The following CDYL variants were observed in gnomAD, a reference collection of about 807,000 sequenced individuals.
CDYL encodes chromodomain Y like.
In CDYL, 8 loss-of-function variants were observed where a neutral mutation model predicts 47.3. That is an observed-to-expected ratio of 0.17 (90% confidence interval 0.10 to 0.31). The LOEUF (loss-of-function observed/expected upper bound fraction) is 0.31, where lower values mean the gene tolerates loss of function less well. Among genes scored for constraint, CDYL ranks in the 10% least tolerant of loss-of-function variants. The probability of loss-of-function intolerance (pLI) is 1.00; values close to 1 mark genes in which losing one functional copy is unlikely to be tolerated. For missense variants in CDYL, 471 were observed against 701.4 expected (o/e 0.67, Z 3.71); for synonymous variants, 266 against 265.0 (o/e 1.00, Z -0.04).
intron 2 of CDYL, among the ~76,000 whole-genome samples, chr6:4,930,727 G>C (rs145283666): frequency 6.6e-6 from 1 of 152,172 alleles, no homozygotes; most frequent in Non-Finnish European, 1.5e-5. Context: ...ATGTATTTGA[G>C]GATATCCTTT....
intron 2 of CDYL, among the ~76,000 whole-genome samples, chr6:4,896,977 A>G (rs1261867679): frequency 6.6e-6 from 1 of 152,180 alleles, no homozygotes; most frequent in Non-Finnish European, 1.5e-5. Flanking sequence ...TATTTTAAGT[A>G]TGACGCAAAG....
At chr6:4,709,178 T>G (rs539335499) in intron 1 of CDYL, among the ~76,000 whole-genome samples, 2 of 152,080 alleles carry the variant, frequency 1.3e-5, no homozygotes, top group Admixed American at 1.3e-4. Flanking sequence ...ATGCACTAAT[T>G]CTGCTATTCA....
At chr6:4,874,249 C>A (rs1761555963) in intron 1 of CDYL, among the ~76,000 whole-genome samples, 1 of 152,082 alleles carries the variant, frequency 6.6e-6, no homozygotes, top group Non-Finnish European at 1.5e-5. Context: ...GTTGGCCTTA[C>A]TGATTTGAAA....
At chr6:4,902,857 T>C (rs1286860490) in intron 2 of CDYL, among the ~76,000 whole-genome samples, 1 of 152,082 alleles carries the variant, frequency 6.6e-6, no homozygotes, top group East Asian at 1.9e-4. Flanking sequence ...TCTGAAAAAA[T>C]AAAATCGGAT....
intron 1 of CDYL, among the ~76,000 whole-genome samples, chr6:4,838,542 A>G (rs574759095): frequency 2.5e-4 from 38 of 152,170 alleles, no homozygotes; most frequent in Non-Finnish European, 5.3e-4. Context: ...TTCTTTATAT[A>G]CTTGTTGACT....
At chr6:4,801,203 T>C (rs1295557051) in intron 1 of CDYL, among the ~76,000 whole-genome samples, 2 of 152,238 alleles carry the variant, frequency 1.3e-5, no homozygotes, top group African/African-American at 4.8e-5. Context: ...AGATCTAGGC[T>C]TTTAGTTTTT....
intron 2 of CDYL, among the ~76,000 whole-genome samples, chr6:4,925,213 G>A (rs939739284): frequency 6.6e-6 from 1 of 152,058 alleles, no homozygotes; most frequent in African/African-American, 2.4e-5. Context: ...TGTGACATTC[G>A]CAGTATACTC....
chr6:4,868,140 T>C (rs541807012), intron 1 of CDYL, among the ~76,000 whole-genome samples: 5 of 151,732 alleles, frequency 3.3e-5, no homozygotes, highest in Non-Finnish European at 7.4e-5. Flanking sequence ...TTTCCTCTCT[T>C]CTGCTTGCTT....
intron 1 of CDYL, among the ~76,000 whole-genome samples, chr6:4,879,804 C>T (rs1761715604): frequency 6.6e-6 from 1 of 152,140 alleles, no homozygotes. Flanking sequence ...AGATGATCTG[C>T]CCGCCTCGGC....
chr6:4,843,478 A>G (rs996293026), intron 1 of CDYL, among the ~76,000 whole-genome samples: 27 of 149,086 alleles, frequency 1.8e-4, no homozygotes, highest in Admixed American at 6.7e-5. Context: ...TTGGCCATTT[A>G]ACATAATCCC....
At chr6:4,880,441 C>T (rs562772232) in intron 1 of CDYL, among the ~76,000 whole-genome samples, 2 of 152,234 alleles carry the variant, frequency 1.3e-5, no homozygotes, top group African/African-American at 4.8e-5. Flanking sequence ...ACCTACTGAA[C>T]GACATTTTGA....
At chr6:4,803,388 T>G (rs80209095) in intron 1 of CDYL, among the ~76,000 whole-genome samples, 2,640 of 152,318 alleles carry the variant, frequency 0.017, 72 homozygotes, top group African/African-American at 0.06. Flanking sequence ...ATCTCAAGAT[T>G]TGAGGGATTG....
chr6:4,900,464 A>G (rs2127493031), intron 2 of CDYL, among the ~76,000 whole-genome samples: 1 of 151,928 alleles, frequency 6.6e-6, no homozygotes, highest in African/African-American at 2.4e-5. Context: ...ACATATGCAT[A>G]TACATTTTTT....
Position 4,796,490 on chromosome 6 carries a change from C to T in CDYL, c.24+19683C>T, listed in dbSNP as rs535112971. ...CTATACCCTTCATTGTTTTCTGGCC[C>T]GATCTTTTAATTAACTGGCACAAAT... On this transcript the variant is annotated intron_variant, in intron 1 of 6. Transcript: ENST00000397588. Among the ~76,000 whole-genome samples, 5 of 151,990 alleles carry T rather than the reference C, an allele frequency of 3.3e-5. No homozygotes were observed. The South Asian group carries it at 6.2e-4, about 19-fold the overall frequency.
At chr6:4,859,545 T>C (rs1311859434) in intron 1 of CDYL, among the ~76,000 whole-genome samples, 2 of 152,204 alleles carry the variant, frequency 1.3e-5, no homozygotes, top group Non-Finnish European at 2.9e-5. Flanking sequence ...GGTGGCAGCC[T>C]TGCCTTTGAC....
At chr6:4,943,905 T>C in intron 5 of CDYL, 149 bp downstream of exon 5, 1 of 574,456 alleles carries the variant, frequency 1.7e-6, no homozygotes, top group Non-Finnish European at 3.0e-6. Context: ...TTCATAGACG[T>C]TGTTGACCTT....
At chr6:4,745,550 T>G (rs1195464757) in intron 3 of CDYL, among the ~76,000 whole-genome samples, 1 of 151,314 alleles carries the variant, frequency 6.6e-6, no homozygotes, top group South Asian at 2.1e-4. Context: ...GAGACCAGCC[T>G]GGCCAACATA....
chr6:4,914,135 CCT>C (rs1757489425), intron 2 of CDYL, among the ~76,000 whole-genome samples: 1 of 151,576 alleles, frequency 6.6e-6, no homozygotes, highest in Admixed American at 6.6e-5. Context: ...GGTCTTAGGC[CCT>C]GTGTGTCTCA....
At chr6:4,798,087 C>G (rs967416101) in intron 1 of CDYL, among the ~76,000 whole-genome samples, 1 of 152,064 alleles carries the variant, frequency 6.6e-6, no homozygotes, top group Non-Finnish European at 1.5e-5. Flanking sequence ...ATCCTCTCAC[C>G]TCAGCCTCCT....
Sources: allele counts gnomAD v4.1 joint callset (sites outside exome capture counted in the v4.1 genomes callset), GRCh38; gene constraint gnomAD v4.1.1; transcripts MANE v1.5; gene names NCBI Gene and HGNC (gene_info 2026-07-23, HGNC 2026-07-21).